Variants in PLP1 observed in about 807,000 individuals in gnomAD.
The protein encoded by PLP1 is myelin proteolipid protein.
A neutral mutation model predicts 18.5 loss-of-function variants in PLP1; 2 were observed. The observed-to-expected ratio is 0.11, with a 90% CI of 0.04 to 0.34. The LOEUF (loss-of-function observed/expected upper bound fraction) is 0.34, where lower values mean the gene tolerates loss of function less well. Among genes scored for constraint, PLP1 ranks in the 10% least tolerant of loss-of-function variants. The probability of loss-of-function intolerance (pLI) is 1.00; values close to 1 mark genes in which losing one functional copy is unlikely to be tolerated. For missense variants in PLP1, 105 were observed against 207.3 expected (o/e 0.51, Z 3.03); for synonymous variants, 86 against 83.2 (o/e 1.03, Z -0.19).
chrX:103,786,788 G>A (rs764138116), intron 3 of PLP1, 62 bp downstream of exon 3: 7 of 1,129,828 alleles, frequency 6.2e-6, no homozygotes, highest in Non-Finnish European at 8.5e-6. Flanking sequence ...GCGCGAGTCT[G>A]TGGCCTCGTC....
intron 1 of PLP1, among the ~76,000 whole-genome samples, chrX:103,784,561 G>T (rs1437135528): frequency 8.9e-6 from 1 of 111,944 alleles, no homozygotes. Flanking sequence ...AAACTAAGAA[G>T]AATCAAGCAT....
intron 1 of PLP1, among the ~76,000 whole-genome samples, chrX:103,780,439 CTGTG>C (rs1211292879): frequency 1.1e-4 from 11 of 102,508 alleles, no homozygotes; most frequent in African/African-American, 2.6e-4. Flanking sequence ...CTGTCTCTCT[CTGTG>C]TGTGTGTGTG....
chrX:103,785,976 C>G, intron 2 of PLP1: 1 of 544,751 alleles, frequency 1.8e-6, no homozygotes, highest in Non-Finnish European at 2.9e-6. Flanking sequence ...CTGTCAGCCC[C>G]TCCCACCCCC....
Position 103,791,230 on chromosome X carries a change from C to T in PLP1, c.*632C>T, listed in dbSNP as rs2074542991. 1 of 115,356 alleles carries T rather than the reference C, an allele frequency of 8.7e-6. No individual in the cohort carries two copies. Among genetic ancestry groups the T allele is most frequent in the South Asian group, 3.5e-4 (1 of 2,867 alleles). The allele number at this position is 115,356 out of a possible 1,213,427, so 9.5% of individuals were successfully genotyped here. ...CCCGATGGCGATGGACTACTGAAGCCCTAACTCAGCCAACCTTACTTACAG... is the reference window on the plus strand; with the variant it reads ...CCCGATGGCGATGGACTACTGAAGCTCTAACTCAGCCAACCTTACTTACAG... On this transcript the variant is annotated 3_prime_UTR_variant, in exon 7 of 7. Coordinates refer to ENST00000621218, the MANE Select transcript of PLP1 (RefSeq NM_000533.5).
At chrX:103,786,235 A>T in intron 2 of PLP1, 1 of 1,143,482 alleles carries the variant, frequency 8.7e-7, no homozygotes, top group Non-Finnish European at 1.2e-6. Flanking sequence ...GTCCCAGGGT[A>T]AGCAAGGTGT....
intron 2 of PLP1, 35 bp from the exon 3 acceptor site, chrX:103,786,430 A>G: frequency 8.4e-7 from 1 of 1,197,310 alleles, no homozygotes; most frequent in Middle Eastern, 2.3e-4. Flanking sequence ...AATTAATAAG[A>G]TTCCCTGGTC....
rs1569427598 is a variant in PLP1 at position 103,786,523 on chromosome X, G to T, written c.250G>T (p.Ala84Ser). The T allele has an allele frequency of 1.7e-6, 2 of 1,209,971 alleles. No individual in the cohort carries two copies. Among genetic ancestry groups the T allele is most frequent in the Non-Finnish European group, 2.2e-6 (2 of 894,110 alleles). ...TGCCTCTTTCTTCTTCCTTTATGGGGCCCTCCTGCTGGCTGAGGGCTTCTA... is the reference window on the plus strand; with the variant it reads ...TGCCTCTTTCTTCTTCCTTTATGGGTCCCTCCTGCTGGCTGAGGGCTTCTA... ...GTASFFFLYG[A>S]LLLAEGFYTT... Residue 84 changes from alanine to serine, a missense_variant, in exon 3 of 7, where the codon GCC becomes TCC. Transcript: ENST00000621218.
At chrX:103,784,610 G>A (rs1356068307) in intron 1 of PLP1, among the ~76,000 whole-genome samples, 5 of 111,875 alleles carry the variant, frequency 4.5e-5, no homozygotes, top group Non-Finnish European at 7.5e-5. Flanking sequence ...AAAATGTCCA[G>A]GAGCATCCAA....
At chrX:103,789,237 G>C in intron 5 of PLP1, 96 bp from the exon 6 acceptor site, 1 of 678,711 alleles carries the variant, frequency 1.5e-6, no homozygotes, top group South Asian at 2.1e-5. Context: ...ACACAAGAAA[G>C]ATATCAACAC....
chrX:103,788,928 C>T (rs2074521717), intron 5 of PLP1: 1 of 273,435 alleles, frequency 3.7e-6, no homozygotes, highest in African/African-American at 2.7e-5. Context: ...AAAATAAGTA[C>T]ATTTGAAAGG....
Position 103,790,893 on chromosome X carries a change from T to A in PLP1, c.*295T>A. 2.9e-6 allele frequency: 1 copy of A among 350,686 alleles called. No homozygotes were observed. The highest frequency in any genetic ancestry group is 5.0e-6 in the Non-Finnish European group (1 of 198,945). The allele number at this position is 350,686 out of a possible 1,213,427, so 28.9% of individuals were successfully genotyped here. ...AAAGGAATGGAGGCTCTAATTGAATTTTCAAGCATCTCCTGAGGATCAGAA... is the reference window on the plus strand; with the variant it reads ...AAAGGAATGGAGGCTCTAATTGAATATTCAAGCATCTCCTGAGGATCAGAA... On this transcript the variant is annotated 3_prime_UTR_variant, in exon 7 of 7. Transcript: ENST00000621218.
At chrX:103,780,897 C>T (rs191454415) in intron 1 of PLP1, 4 of 117,617 alleles carry the variant, frequency 3.4e-5, no homozygotes, top group Non-Finnish European at 5.3e-5. Flanking sequence ...ATCAAGGAGG[C>T]CTCTGTTCAT....
chrX:103,782,743 T>A (rs2074463105), intron 1 of PLP1, among the ~76,000 whole-genome samples: 1 of 111,086 alleles, frequency 9.0e-6, no homozygotes, highest in Non-Finnish European at 1.9e-5. Context: ...TGGCTCTTCT[T>A]ACCCTCGGCT....
intron 4 of PLP1, 37 bp downstream of exon 4, chrX:103,788,003 A>T (rs1046158270): frequency 3.0e-5 from 32 of 1,073,335 alleles, no homozygotes; most frequent in Non-Finnish European, 4.0e-5. Context: ...TCTCCTACCC[A>T]CTATGGAAGC....
At chrX:103,782,577 G>T (rs190376762) in intron 1 of PLP1, among the ~76,000 whole-genome samples, 1 of 111,869 alleles carries the variant, frequency 8.9e-6, no homozygotes, top group Non-Finnish European at 1.9e-5. Flanking sequence ...AACCCTAGAG[G>T]TGGCATCACC....
At chrX:103,779,887 A>G in intron 1 of PLP1, 1 of 112,513 alleles carries the variant, frequency 8.9e-6, no homozygotes, top group East Asian at 2.8e-4. Context: ...CTTTGTCTTG[A>G]AAGAAAGCAA....
chrX:103,787,581 C>T (rs2074507646), intron 3 of PLP1: 1 of 449,146 alleles, frequency 2.2e-6, no homozygotes, highest in South Asian at 3.2e-5. Flanking sequence ...TCTTCCCCTA[C>T]CCATTCCCCC....
chrX:103,776,856 A>T lies in PLP1; in HGVS notation c.-140A>T. On this transcript the variant is annotated 5_prime_UTR_variant, in exon 1 of 7. Coordinates refer to ENST00000621218, the MANE Select transcript of PLP1 (RefSeq NM_000533.5). ...CAGAAAGCCCTTTTCATTGCAGGAG[A>T]AGAGGACAAAGATACTCAGAGAGAA... 5 of 602,132 alleles carry T rather than the reference A, an allele frequency of 8.3e-6. No homozygotes were observed. Among genetic ancestry groups the T allele is most frequent in the East Asian group, 3.5e-5 (1 of 28,384 alleles). The allele number at this position is 602,132 out of a possible 1,213,427, so 49.6% of individuals were successfully genotyped here.
intron 1 of PLP1, chrX:103,779,809 A>G (rs1192543053): frequency 1.8e-5 from 2 of 112,437 alleles, no homozygotes; most frequent in African/African-American, 6.5e-5. Flanking sequence ...CCAGCCAGTA[A>G]CATCACTTTC....
Sources: gnomAD v4.1 joint callset for allele counts (sites outside exome capture counted in the v4.1 genomes callset) on GRCh38, gnomAD v4.1.1 for gene constraint, MANE v1.5 for transcripts, NCBI Gene and HGNC (gene_info 2026-07-23, HGNC 2026-07-21) for gene names.